Variants in TSPAN18 observed in about 807,000 individuals in gnomAD.
TSPAN18 encodes the protein tetraspanin-18.
In TSPAN18, 14 loss-of-function variants were observed where a neutral mutation model predicts 27.3. The observed-to-expected ratio is 0.51, with a 90% CI of 0.34 to 0.80. The LOEUF is 0.80. Among genes scored for constraint, TSPAN18 ranks in the 30% least tolerant of loss-of-function variants. TSPAN18 has a pLI of 0.01. For missense variants in TSPAN18, 268 were observed against 323.9 expected, an observed-to-expected ratio of 0.83 and a Z score of 1.32; for synonymous variants, 143 against 136.5, an observed-to-expected ratio of 1.05 and a Z score of -0.33.
intron 3 of TSPAN18, among the ~76,000 whole-genome samples, chr11:44,889,869 C>T (rs1858785612): frequency 6.6e-6 from 1 of 152,212 alleles, no homozygotes; most frequent in Non-Finnish European, 1.5e-5. Context: ...CTGCAGAATC[C>T]AAATCTTAGG....
intron 5 of TSPAN18, among the ~76,000 whole-genome samples, chr11:44,913,177 G>A (rs1859787128): frequency 6.6e-6 from 1 of 152,210 alleles, no homozygotes; most frequent in African/African-American, 2.4e-5. Context: ...GGCTTGTCTT[G>A]AGAGGGGCCA....
intron 2 of TSPAN18, among the ~76,000 whole-genome samples, chr11:44,779,879 G>T (rs1855897056): frequency 2.0e-5 from 3 of 151,486 alleles, no homozygotes; most frequent in Admixed American, 1.3e-4. Flanking sequence ...ACACATACCT[G>T]TGTATACTTA....
At chr11:44,846,270 G>A (rs1034609353) in intron 2 of TSPAN18, among the ~76,000 whole-genome samples, 12 of 152,222 alleles carry the variant, frequency 7.9e-5, no homozygotes, top group African/African-American at 2.7e-4. Flanking sequence ...CTAGCATTCC[G>A]GCTTGTAGCC....
At chr11:44,889,402 C>A (rs1364333027) in intron 3 of TSPAN18, among the ~76,000 whole-genome samples, 2 of 152,156 alleles carry the variant, frequency 1.3e-5, no homozygotes, top group Non-Finnish European at 2.9e-5. Flanking sequence ...CCACCACAAA[C>A]CTCTGGGTAA....
intron 3 of TSPAN18, among the ~76,000 whole-genome samples, chr11:44,904,483 T>TG (rs2135321265): frequency 6.6e-6 from 1 of 152,352 alleles, no homozygotes; most frequent in African/African-American, 2.4e-5. Context: ...GACAGACATC[T>TG]GGCACCTTGG....
intron 2 of TSPAN18, among the ~76,000 whole-genome samples, chr11:44,789,283 C>G (rs1194182980): frequency 6.6e-6 from 1 of 152,170 alleles, no homozygotes; most frequent in East Asian, 1.9e-4. Flanking sequence ...AGCTACCCAA[C>G]GTCAAATCTT....
chr11:44,753,632 A>G (rs1855263705), intron 1 of TSPAN18, among the ~76,000 whole-genome samples: 1 of 152,166 alleles, frequency 6.6e-6, no homozygotes, highest in Admixed American at 6.5e-5. Context: ...GGATTTGCTG[A>G]GCTGAACTGG....
intron 2 of TSPAN18, among the ~76,000 whole-genome samples, chr11:44,836,377 A>G (rs991315589): frequency 3.8e-4 from 58 of 152,344 alleles, no homozygotes; most frequent in African/African-American, 1.3e-3. Flanking sequence ...ACTCTCTTCA[A>G]TTCTGTGAAG....
intron 2 of TSPAN18, among the ~76,000 whole-genome samples, chr11:44,809,557 C>A (rs1388710591): frequency 6.6e-6 from 1 of 152,216 alleles, no homozygotes; most frequent in Non-Finnish European, 1.5e-5. Flanking sequence ...AATAACCCAG[C>A]TTCTCGCTTG....
Position 44,929,272 on chromosome 11 carries a change from A to C in TSPAN18, c.*94A>C. 1 of 1,508,008 alleles carries C rather than the reference A, an allele frequency of 6.6e-7. No individual in the cohort carries two copies. Among genetic ancestry groups the C allele is most frequent in the Non-Finnish European group, 9.1e-7 (1 of 1,093,132 alleles). The allele number at this position is 1,508,008 out of a possible 1,614,324, so 93.4% of individuals were successfully genotyped here. A position where few individuals can be genotyped will look rare whatever the true frequency, so the allele number is the denominator to read the frequency against. On this transcript the variant is annotated 3_prime_UTR_variant, in exon 10 of 10. Transcript: ENST00000520358. The stretch of plus-strand genomic sequence containing the variant: ...CCCTCCCCGCTGTCCTCTTGGCCCC[A>C]GGGGAGAAGATGAGGCCATCAGAGA...
intron 1 of TSPAN18, among the ~76,000 whole-genome samples, chr11:44,762,082 C>A (rs773069876): frequency 2.0e-5 from 3 of 152,200 alleles, no homozygotes; most frequent in Non-Finnish European, 4.4e-5. Flanking sequence ...GTCAGCACTA[C>A]CCAAAGGCGG....
chr11:44,891,415 G>A (rs1000498960), intron 3 of TSPAN18, among the ~76,000 whole-genome samples: 2 of 152,162 alleles, frequency 1.3e-5, no homozygotes, highest in Non-Finnish European at 2.9e-5. Context: ...TTACAGGTCA[G>A]CGGAGAGTGG....
At chr11:44,873,284 T>C (rs1368764304) in intron 3 of TSPAN18, among the ~76,000 whole-genome samples, 2 of 152,140 alleles carry the variant, frequency 1.3e-5, no homozygotes, top group Non-Finnish European at 2.9e-5. Flanking sequence ...GTGGCCCAGA[T>C]TTTTTTCCAG....
At chr11:44,818,069 T>C (rs1856849458) in intron 2 of TSPAN18, among the ~76,000 whole-genome samples, 1 of 152,204 alleles carries the variant, frequency 6.6e-6, no homozygotes, top group African/African-American at 2.4e-5. Context: ...TTTTCCATGT[T>C]GATTGCTAAT....
intron 2 of TSPAN18, among the ~76,000 whole-genome samples, chr11:44,845,651 A>C (rs747550252): frequency 1.3e-5 from 2 of 152,266 alleles, no homozygotes; most frequent in Non-Finnish European, 2.9e-5. Context: ...ATGACATTCC[A>C]GACCAAGAGA....
intron 2 of TSPAN18, among the ~76,000 whole-genome samples, chr11:44,774,275 G>A (rs1855754462): frequency 6.6e-6 from 1 of 152,206 alleles, no homozygotes; most frequent in Non-Finnish European, 1.5e-5. Context: ...GGGAGAAGGA[G>A]GGGGCAGAGC....
At chr11:44,858,975 G>A (rs1317483289) in intron 2 of TSPAN18, among the ~76,000 whole-genome samples, 6 of 150,290 alleles carry the variant, frequency 4.0e-5, no homozygotes, top group Non-Finnish European at 5.9e-5. Context: ...CCCTCCCCCC[G>A]CTCCCCAGTT....
intron 2 of TSPAN18, among the ~76,000 whole-genome samples, chr11:44,825,687 A>T (rs1229022791): frequency 1.3e-5 from 2 of 152,192 alleles, no homozygotes; most frequent in Non-Finnish European, 1.5e-5. Flanking sequence ...CCGTCTCAGC[A>T]TTTGAACCTG....
chr11:44,766,143 C>A (rs1260000567), intron 2 of TSPAN18, among the ~76,000 whole-genome samples: 2 of 152,204 alleles, frequency 1.3e-5, no homozygotes, highest in Non-Finnish European at 2.9e-5. Context: ...TCTTAGTCAC[C>A]AATCTGATAG....
Sources: allele counts gnomAD v4.1 joint callset (sites outside exome capture counted in the v4.1 genomes callset), GRCh38; gene constraint gnomAD v4.1.1; transcripts MANE v1.5; gene names NCBI Gene and HGNC (gene_info 2026-07-23, HGNC 2026-07-21).